EVI5: variants seen among roughly 807,000 people sequenced by gnomAD.
EVI5 encodes the protein ecotropic viral integration site 5.
Under a neutral mutation model 112.0 loss-of-function variants are expected in EVI5, and 73 were observed. The observed-to-expected ratio is 0.65, with a 90% CI of 0.54 to 0.79. The LOEUF (loss-of-function observed/expected upper bound fraction) is 0.79. Ranked by LOEUF, EVI5 falls within the 30% of genes least tolerant of loss-of-function variation. EVI5 has a pLI of 0.00. For missense variants in EVI5, 900 were observed against 968.8 expected (o/e 0.93, Z 0.94); for synonymous variants, 305 against 319.9 (o/e 0.95, Z 0.50).
chr1:92,633,623 T>C (rs1425408448), intron 14 of EVI5, among the ~76,000 whole-genome samples: 1 of 152,224 alleles, frequency 6.6e-6, no homozygotes, highest in African/African-American at 2.4e-5. Context: ...TGACTCTTTA[T>C]CCAATTTGCC....
chr1:92,692,420 T>A (rs1332563105), intron 9 of EVI5, among the ~76,000 whole-genome samples: 1 of 152,222 alleles, frequency 6.6e-6, no homozygotes, highest in African/African-American at 2.4e-5. Flanking sequence ...CGGCTTTTTG[T>A]CTATATGATG....
intron 6 of EVI5, among the ~76,000 whole-genome samples, chr1:92,695,925 T>A (rs964954291): frequency 2.0e-5 from 3 of 151,590 alleles, no homozygotes; most frequent in Non-Finnish European, 2.9e-5. Context: ...ATTCAAAACA[T>A]AAATGAGACT....
chr1:92,585,115 T>A (rs1468282847), intron 18 of EVI5, among the ~76,000 whole-genome samples: 1 of 151,512 alleles, frequency 6.6e-6, no homozygotes, highest in Non-Finnish European at 1.5e-5. Flanking sequence ...TCCCAGCTAC[T>A]CAGGAGGCTG....
At chr1:92,584,835 T>A (rs1018338968) in intron 18 of EVI5, among the ~76,000 whole-genome samples, 1 of 152,204 alleles carries the variant, frequency 6.6e-6, no homozygotes, top group African/African-American at 2.4e-5. Context: ...AAATCAAATA[T>A]TTGGCTAGTA....
chr1:92,745,098 A>ATTTTTTTTTTT (rs750800778), intron 1 of EVI5, among the ~76,000 whole-genome samples: 1 of 129,828 alleles, frequency 7.7e-6, no homozygotes, highest in African/African-American at 2.9e-5. Flanking sequence ...TGCCAGGCTA[A>ATTTTTTTTTTT]TTTTTTTTTT....
upstream of EVI5, chr1:92,792,410 CAG>C (rs751255751): frequency 3.7e-6 from 6 of 1,602,356 alleles, no homozygotes; most frequent in East Asian, 2.2e-5. Context: ...GCAGAGAAGA[CAG>C]AGAGACTGGG....
intron 19 of EVI5, among the ~76,000 whole-genome samples, chr1:92,536,977 C>T (rs922495719): frequency 1.3e-4 from 20 of 152,084 alleles, no homozygotes; most frequent in African/African-American, 4.6e-4. Flanking sequence ...AAAGTGCTTT[C>T]ATGCATATTA....
Position 92,703,414 on chromosome 1 carries a change from ACCT to A in EVI5, c.542_544del (p.Glu181del). The A allele has an allele frequency of 6.4e-7, 1 of 1,566,000 alleles. No individual in the cohort carries two copies. The highest frequency in any genetic ancestry group is 8.6e-7 in the Non-Finnish European group (1 of 1,160,610). On this transcript the variant is annotated inframe_deletion, in exon 4 of 20. Transcript: ENST00000684568. ...ACTTACCTTCATTACATTAAATAAAACCTCCTGTCCAAGGCTATCTTTTTCCTT... is the reference window on the plus strand; with the variant it reads ...ACTTACCTTCATTACATTAAATAAAACCTGTCCAAGGCTATCTTTTTCCTT...
At chr1:92,527,426 A>G (rs1472271430) in intron 19 of EVI5, among the ~76,000 whole-genome samples, 2 of 137,450 alleles carry the variant, frequency 1.5e-5, no homozygotes, top group Non-Finnish European at 3.1e-5. Flanking sequence ...AAAAAAAAAA[A>G]AAAAAAAGAA....
intron 19 of EVI5, among the ~76,000 whole-genome samples, chr1:92,558,567 T>C (rs1668022496): frequency 6.6e-6 from 1 of 152,168 alleles, no homozygotes; most frequent in African/African-American, 2.4e-5. Flanking sequence ...ACTTCTTCCA[T>C]CCTTCTAAGC....
chr1:92,752,333 C>T (rs753586104), intron 1 of EVI5, among the ~76,000 whole-genome samples: 2 of 152,016 alleles, frequency 1.3e-5, no homozygotes, highest in Non-Finnish European at 2.9e-5. Context: ...TGCCACCACG[C>T]CTGGCTACTT....
intron 1 of EVI5, among the ~76,000 whole-genome samples, chr1:92,765,025 G>A (rs1682394151): frequency 6.6e-6 from 1 of 151,956 alleles, no homozygotes; most frequent in Admixed American, 6.6e-5. Context: ...ATATTTTTAA[G>A]CACATACATC....
intron 1 of EVI5, among the ~76,000 whole-genome samples, chr1:92,784,079 A>G (rs1685273650): frequency 6.6e-6 from 1 of 152,204 alleles, no homozygotes; most frequent in Non-Finnish European, 1.5e-5. Context: ...CAGCTCTACC[A>G]GCAATAGATA....
At chr1:92,775,816 A>C (rs1684046206) in intron 1 of EVI5, among the ~76,000 whole-genome samples, 1 of 152,122 alleles carries the variant, frequency 6.6e-6, no homozygotes, top group Non-Finnish European at 1.5e-5. Flanking sequence ...ACTTGTTAAA[A>C]ATTAATTTGA....
intron 1 of EVI5, among the ~76,000 whole-genome samples, chr1:92,782,226 C>T (rs1353657149): frequency 6.6e-6 from 1 of 151,864 alleles, no homozygotes; most frequent in African/African-American, 2.4e-5. Context: ...CCACTGCACT[C>T]TAGCCTGGCA....
chr1:92,684,122 G>A (rs796420628), intron 9 of EVI5, among the ~76,000 whole-genome samples: 2 of 152,262 alleles, frequency 1.3e-5, no homozygotes, highest in East Asian at 1.9e-4. Context: ...AGGTTGAAAT[G>A]AAGGAAAAAA....
At position 92,513,723 on chromosome 1, in the gene EVI5, T is replaced by C; in HGVS notation, c.2414A>G (p.Glu805Gly). The change falls in exon 20 of 20, where the codon GAG becomes GGG. Residue 805 changes from glutamate (E) to glycine (G), a missense_variant. By Grantham distance (98) the Glu-to-Gly change is moderately conservative. Coordinates refer to ENST00000684568, the MANE Select transcript of EVI5 (RefSeq NM_001350197.2). ...ETEDSVLETR[E>G]SNQVVQKERP... ...CTCCTTTTGAACCACTTGGTTGCTC[T>C]CTCTGGTCTCCAGCACACTGTCTTC... The C allele has an allele frequency of 1.2e-6, 2 of 1,613,624 alleles. No individual in the cohort carries two copies. The highest frequency in any genetic ancestry group is 1.7e-6 in the Non-Finnish European group (2 of 1,179,808).
intron 13 of EVI5, among the ~76,000 whole-genome samples, chr1:92,655,922 A>G (rs1662922059): frequency 6.6e-6 from 1 of 152,194 alleles, no homozygotes; most frequent in African/African-American, 2.4e-5. Flanking sequence ...AAACCAAAGA[A>G]AAACTACTCT....
chr1:92,689,114 A>G (rs7540407), intron 9 of EVI5, among the ~76,000 whole-genome samples: 140,262 of 152,260 alleles, frequency 0.92, 64,694 homozygotes, highest in East Asian at 0.97. Context: ...TTAACAATCA[A>G]GGAAATGTAA....
Sources: gnomAD v4.1 joint callset for allele counts (sites outside exome capture counted in the v4.1 genomes callset) on GRCh38, gnomAD v4.1.1 for gene constraint, MANE v1.5 for transcripts, NCBI Gene and HGNC (gene_info 2026-07-23, HGNC 2026-07-21) for gene names.